CCDC32: variants seen among roughly 807,000 people sequenced by gnomAD.
CCDC32 encodes coiled-coil domain-containing protein 32.
Under a neutral mutation model 20.1 loss-of-function variants are expected in CCDC32, and 9 were observed. That is an observed-to-expected ratio of 0.45 (90% confidence interval 0.27 to 0.78). CCDC32 has a LOEUF of 0.78. Among genes scored for constraint, CCDC32 ranks in the 30% least tolerant of loss-of-function variants. The pLI is 0.16. For missense variants in CCDC32, 204 were observed against 215.5 expected (o/e 0.95, Z 0.33); for synonymous variants, 63 against 79.0 (o/e 0.80, Z 1.07).
exon 4 of CCDC32, chr15:40,528,753 G>C: frequency 1.4e-6 from 1 of 701,716 alleles, no homozygotes; most frequent in East Asian, 2.7e-5. Flanking sequence ...TAGCTGGCCT[G>C]CCCAAAGCCC....
chr15:40,563,843 CAG>C (rs1352189861), intron 1 of CCDC32, among the ~76,000 whole-genome samples: 4 of 146,206 alleles, frequency 2.7e-5, no homozygotes, highest in Admixed American at 6.9e-5. Flanking sequence ...TTTTTTGAGA[CAG>C]AGTCTCGCTC....
intron 2 of CCDC32, among the ~76,000 whole-genome samples, chr15:40,558,196 T>C (rs1890378445): frequency 6.6e-6 from 1 of 152,210 alleles, no homozygotes; most frequent in South Asian, 2.1e-4. Context: ...AATGATGGCA[T>C]GGTGGGGTGG....
chr15:40,537,793 T>C (rs1206467554), downstream of CCDC32: 1 of 152,062 alleles, frequency 6.6e-6, no homozygotes, highest in Admixed American at 6.6e-5. Flanking sequence ...CTACTAAAAA[T>C]AGAAAAATTA....
intron 3 of CCDC32, 179 bp downstream of exon 3, chr15:40,557,037 C>T: frequency 3.3e-6 from 2 of 607,216 alleles, no homozygotes; most frequent in Non-Finnish European, 5.4e-6. Context: ...TCATTGCATA[C>T]TTAAAAATGA....
At chr15:40,549,633 C>G (rs1025095947), downstream of CCDC32, among the ~76,000 whole-genome samples, 6 of 152,216 alleles carry the variant, frequency 3.9e-5, no homozygotes, top group African/African-American at 1.4e-4. Context: ...CTTTATTTAA[C>G]ACCATGCACC....
At chr15:40,545,066 T>C (rs187834787) in intron 3 of CCDC32, among the ~76,000 whole-genome samples, 90 of 152,310 alleles carry the variant, frequency 5.9e-4, no homozygotes, top group Admixed American at 3.6e-3. Flanking sequence ...TGTCAGTTTA[T>C]CAATCCAAGA....
downstream of CCDC32, among the ~76,000 whole-genome samples, chr15:40,525,836 T>C (rs368988120): frequency 2.6e-4 from 40 of 152,324 alleles, 1 homozygote; most frequent in African/African-American, 9.6e-4. Flanking sequence ...CACCCACCCA[T>C]AATGTCTGGT....
the CCDC32 span, among the ~76,000 whole-genome samples, chr15:40,522,832 T>TC: frequency 7.2e-6 from 1 of 138,490 alleles, no homozygotes; most frequent in African/African-American, 3.3e-5. Context: ...TCCTTTCTTT[T>TC]TTTTTTTTTT....
downstream of CCDC32, among the ~76,000 whole-genome samples, chr15:40,551,021 T>A (rs1235515300): frequency 1.3e-5 from 2 of 152,176 alleles, no homozygotes; most frequent in African/African-American, 4.8e-5. Flanking sequence ...CTGTTGTTTC[T>A]GAGGAAGAAT....
At chr15:40,542,926 G>A (rs1455984021) in intron 3 of CCDC32, among the ~76,000 whole-genome samples, 1 of 151,438 alleles carries the variant, frequency 6.6e-6, no homozygotes, top group Non-Finnish European at 1.5e-5. Context: ...GGAAGGCCAA[G>A]GTAGGAGGAT....
chr15:40,529,372 A>G (rs909091144), intron 3 of CCDC32, among the ~76,000 whole-genome samples: 3 of 152,252 alleles, frequency 2.0e-5, no homozygotes, highest in African/African-American at 7.2e-5. Context: ...TACAAATAAT[A>G]GAAACTCTAT....
chr15:40,559,722 C>A (rs1890492718), intron 2 of CCDC32, among the ~76,000 whole-genome samples: 1 of 152,212 alleles, frequency 6.6e-6, no homozygotes, highest in Non-Finnish European at 1.5e-5. Flanking sequence ...TCTGACTCTT[C>A]TTTCTGTCTT....
chr15:40,557,488 C>T (rs1293922790), intron 2 of CCDC32, 116 bp from the exon 3 acceptor site: 1 of 1,016,496 alleles, frequency 9.8e-7, no homozygotes, highest in Non-Finnish European at 1.4e-6. Flanking sequence ...CATCCACACT[C>T]CCTGCCAAAG....
downstream of CCDC32, among the ~76,000 whole-genome samples, chr15:40,526,129 G>C (rs917349407): frequency 1.3e-5 from 2 of 152,142 alleles, no homozygotes; most frequent in Non-Finnish European, 2.9e-5. Flanking sequence ...GTAGACCAGA[G>C]CCAGAGAAAG....
intron 3 of CCDC32, among the ~76,000 whole-genome samples, chr15:40,547,116 G>C (rs2412531): frequency 0.52 from 79,121 of 151,728 alleles, 21,952 homozygotes; most frequent in East Asian, 0.74. Context: ...CTGTTGGTCT[G>C]GGGGGTTGAG....
chr15:40,560,397 G>A (rs761390889), intron 2 of CCDC32, among the ~76,000 whole-genome samples: 3 of 152,116 alleles, frequency 2.0e-5, no homozygotes, highest in East Asian at 1.9e-4. Flanking sequence ...AAAAACTTCC[G>A]TACAGCAAAA....
At chr15:40,546,078 G>A (rs935275993) in intron 3 of CCDC32, among the ~76,000 whole-genome samples, 1 of 152,048 alleles carries the variant, frequency 6.6e-6, no homozygotes, top group Non-Finnish European at 1.5e-5. Flanking sequence ...ACCAGTTCAA[G>A]TTCACTGGTT....
At chr15:40,549,990 C>T (rs1595889106), downstream of CCDC32, among the ~76,000 whole-genome samples, 3 of 152,098 alleles carry the variant, frequency 2.0e-5, no homozygotes, top group African/African-American at 7.2e-5. Context: ...GCTGGCGGGA[C>T]GTTTGTTTAC....
intron 3 of CCDC32, among the ~76,000 whole-genome samples, chr15:40,539,880 A>ACC (rs58704600): frequency 6.4e-4 from 89 of 139,138 alleles, no homozygotes; most frequent in African/African-American, 1.2e-3. Flanking sequence ...ACACACACAC[A>ACC]CCCCGCTCCT....
Sources: allele counts gnomAD v4.1 joint callset (sites outside exome capture counted in the v4.1 genomes callset), GRCh38; gene constraint gnomAD v4.1.1; transcripts MANE v1.5; gene names NCBI Gene and HGNC (gene_info 2026-07-23, HGNC 2026-07-21).